THSD4: variants seen among roughly 807,000 people sequenced by gnomAD.
THSD4 encodes thrombospondin type-1 domain-containing protein 4.
A neutral mutation model predicts 119.0 loss-of-function variants in THSD4; 69 were observed. The observed-to-expected ratio is 0.58, with a 90% CI of 0.48 to 0.71. The LOEUF (loss-of-function observed/expected upper bound fraction) is 0.71, where lower values mean the gene tolerates loss of function less well. Among genes scored for constraint, THSD4 ranks in the 30% least tolerant of loss-of-function variants. The pLI is 0.00. For missense variants in THSD4, 1,393 were observed against 1,391.1 expected, an observed-to-expected ratio of 1.00 and a Z score of -0.02; for synonymous variants, 524 against 540.4, an observed-to-expected ratio of 0.97 and a Z score of 0.42.
chr15:71,489,293 T>C (rs1235953765), intron 7 of THSD4, among the ~76,000 whole-genome samples: 1 of 152,344 alleles, frequency 6.6e-6, no homozygotes, highest in African/African-American at 2.4e-5. Context: ...GGGTGTAAAA[T>C]ATATCATGCA....
chr15:71,212,850 T>C (rs964561861), intron 3 of THSD4, among the ~76,000 whole-genome samples: 1 of 152,136 alleles, frequency 6.6e-6, no homozygotes, highest in African/African-American at 2.4e-5. Flanking sequence ...CTGGGGGAGC[T>C]GAGGGGCCCT....
intron 6 of THSD4, among the ~76,000 whole-genome samples, chr15:71,388,893 G>A (rs781210124): frequency 2.6e-5 from 4 of 152,228 alleles, no homozygotes; most frequent in East Asian, 1.9e-4. Flanking sequence ...GAGGTGACCC[G>A]GTGGGAGATA....
chr15:71,357,604 G>A (rs557829716), intron 6 of THSD4, among the ~76,000 whole-genome samples: 12 of 152,118 alleles, frequency 7.9e-5, no homozygotes, highest in Admixed American at 1.3e-4. Context: ...TGGCTCTCCC[G>A]CCTGCAGTTT....
chr15:71,183,723 T>TCTGTTGTCATGGGTA (rs1555453400), intron 3 of THSD4, among the ~76,000 whole-genome samples: 5 of 151,202 alleles, frequency 3.3e-5, no homozygotes, highest in Admixed American at 2.6e-4. Flanking sequence ...GTACTTTCCT[T>TCTGTTGTCATGGGTA]CTATCTACCC....
rs547544794 is a variant in THSD4 at position 71,346,958 on chromosome 15, C to T, written c.1016-64729C>T. On this transcript the variant is annotated intron_variant, in intron 6 of 17. Transcript: ENST00000261862. Reference sequence around the variant, plus strand: ...GTGTGATCTCGGCTCACCGCAGCCTCCGCCTCCTGGGTTCAAGCAATTCTC... The same window carrying T: ...GTGTGATCTCGGCTCACCGCAGCCTTCGCCTCCTGGGTTCAAGCAATTCTC... Among the ~76,000 whole-genome samples, 91 of 148,418 alleles carry T rather than the reference C, an allele frequency of 6.1e-4. 1 individual carries two copies. Among genetic ancestry groups the T allele is most frequent in the Non-Finnish European group, 1.8e-4 (12 of 67,294 alleles).
chr15:71,742,852 T>G (rs2053262394), intron 11 of THSD4, among the ~76,000 whole-genome samples: 1 of 152,052 alleles, frequency 6.6e-6, no homozygotes, highest in South Asian at 2.1e-4. Context: ...GTCAGGAGTT[T>G]AAGACAAGCC....
chr15:71,237,285 T>TA (rs902159039), intron 4 of THSD4, among the ~76,000 whole-genome samples: 4 of 152,214 alleles, frequency 2.6e-5, no homozygotes, highest in African/African-American at 9.6e-5. Flanking sequence ...GAGAACTTGT[T>TA]AAAAATGCAG....
At chr15:71,506,854 A>G (rs114897514) in intron 7 of THSD4, among the ~76,000 whole-genome samples, 3,469 of 152,316 alleles carry the variant, frequency 0.023, 129 homozygotes, top group African/African-American at 0.08. Context: ...CTTGTGTTAC[A>G]ACGTTGCTTA....
intron 3 of THSD4, among the ~76,000 whole-genome samples, chr15:71,199,543 A>G (rs1397191810): frequency 0.027 from 1,009 of 37,876 alleles, no homozygotes; most frequent in African/African-American, 0.033. Flanking sequence ...TGGTGTGTGT[A>G]TGTGTGGTGT....
intron 4 of THSD4, among the ~76,000 whole-genome samples, chr15:71,224,739 C>G (rs1341975219): frequency 2.6e-5 from 4 of 152,272 alleles, no homozygotes; most frequent in South Asian, 4.1e-4. Context: ...TGCATTGGCT[C>G]GTGGCCCCTC....
intron 7 of THSD4, among the ~76,000 whole-genome samples, chr15:71,553,784 T>C (rs2048971057): frequency 6.6e-6 from 1 of 152,228 alleles, no homozygotes; most frequent in African/African-American, 2.4e-5. Context: ...AAAATGCTCA[T>C]ATGAGTTGTT....
chr15:71,446,821 G>A lies in THSD4; in HGVS notation c.1152+34998G>A, dbSNP rs574465170. The stretch of plus-strand genomic sequence containing the variant: ...TCTGAGCATCTCGGGAAGACATGAA[G>A]TCCAGCAGGAGGAGGAGCCTATTCT... On this transcript the variant is annotated intron_variant, in intron 7 of 17. Coordinates refer to ENST00000261862, the MANE Select transcript of THSD4 (RefSeq NM_024817.3). Among the ~76,000 whole-genome samples, 5 of 152,284 alleles carry A rather than the reference G, an allele frequency of 3.3e-5. No homozygotes were observed. The South Asian group carries it at 1.0e-3, about 32-fold the overall frequency.
In THSD4 at chr15:71,639,973, CT is replaced by C. The variant is rs375729292; in HGVS notation, c.1153-20551del. Among the ~76,000 whole-genome samples, 54 of 152,166 alleles carry C rather than the reference CT, an allele frequency of 3.5e-4. 1 individual carries two copies. The East Asian group carries it at 8.3e-3, about 23-fold the overall frequency. On this transcript the variant is annotated intron_variant, in intron 7 of 17. Coordinates refer to ENST00000261862, the MANE Select transcript of THSD4 (RefSeq NM_024817.3). ...TACATCTTACAATATATATTACTGA[CT>C]TTTTTCAGTAAAGATAGGTCAAGAA...
chr15:71,397,896 A>G (rs1324022665), intron 6 of THSD4, among the ~76,000 whole-genome samples: 2 of 152,104 alleles, frequency 1.3e-5, no homozygotes, highest in Admixed American at 1.3e-4. Flanking sequence ...CAATGCAAGC[A>G]CTCTAGCCAG....
intron 6 of THSD4, among the ~76,000 whole-genome samples, chr15:71,369,671 G>T (rs2046016139): frequency 6.6e-6 from 1 of 152,114 alleles, no homozygotes. Flanking sequence ...ATGTGCTGCT[G>T]GATTTGGTTT....
intron 2 of THSD4, among the ~76,000 whole-genome samples, chr15:71,146,470 C>G (rs1314806859): frequency 6.9e-6 from 1 of 145,538 alleles, no homozygotes; most frequent in African/African-American, 2.6e-5. Flanking sequence ...TTAATCTTGG[C>G]TGCTTGCCTT....
rs762135431 is a variant in THSD4, at chr15:71,757,923, G to A, written c.2437G>A (p.Gly813Arg). 11 of 1,613,600 alleles carry A rather than the reference G, an allele frequency of 6.8e-6. No homozygotes were observed. The highest frequency in any genetic ancestry group is 2.2e-5 in the East Asian group (1 of 44,892). ...SERCSAECGA[G>R]VRTRSVVCMT... ...ACAGTGCTCAGCGGAGTGTGGGGCCGGAGTGCGGACACGCTCGGTGGTGTG... is the reference window on the plus strand; with the variant it reads ...ACAGTGCTCAGCGGAGTGTGGGGCCAGAGTGCGGACACGCTCGGTGGTGTG... The change falls in exon 15 of 18, where the codon GGA becomes AGA. Residue 813 changes from glycine to arginine, a missense_variant. Gly to Arg is a moderately radical substitution (Grantham distance 125, BLOSUM62 -2). Transcript: ENST00000261862.
At chr15:71,302,035 A>G (rs2044956852) in intron 6 of THSD4, among the ~76,000 whole-genome samples, 1 of 152,134 alleles carries the variant, frequency 6.6e-6, no homozygotes, top group African/African-American at 2.4e-5. Flanking sequence ...TGTGGGAGCA[A>G]GCTTAGGGTT....
chr15:71,182,671 T>C (rs2043544729), intron 3 of THSD4, among the ~76,000 whole-genome samples: 1 of 151,808 alleles, frequency 6.6e-6, no homozygotes, highest in Non-Finnish European at 1.5e-5. Context: ...GCCACAAATC[T>C]TAGTCTTTGG....
Sources: gnomAD v4.1 joint callset for allele counts (sites outside exome capture counted in the v4.1 genomes callset) on GRCh38, gnomAD v4.1.1 for gene constraint, MANE v1.5 for transcripts, NCBI Gene and HGNC (gene_info 2026-07-23, HGNC 2026-07-21) for gene names.